The following PRSS16 variants were observed in gnomAD, a reference collection of about 807,000 sequenced individuals.
PRSS16 encodes the protein serine protease 16, also known as thymus-specific serine protease.
In PRSS16, 43 loss-of-function variants were observed where a neutral mutation model predicts 61.7. The observed-to-expected ratio is 0.70, with a 90% confidence interval of 0.55 to 0.90. PRSS16 has a LOEUF of 0.90. Among genes scored for constraint, PRSS16 ranks in the 40% least tolerant of loss-of-function variants. The probability of loss-of-function intolerance (pLI) is 0.00; values close to 1 mark genes in which losing one functional copy is unlikely to be tolerated. For missense variants in PRSS16, 591 were observed against 659.1 expected (o/e 0.90, Z 1.13); for synonymous variants, 273 against 285.2 (o/e 0.96, Z 0.43).
intron 4 of PRSS16, among the ~76,000 whole-genome samples, chr6:27,250,328 C>T (rs1759849340): frequency 3.3e-5 from 5 of 152,174 alleles, no homozygotes; most frequent in Admixed American, 3.3e-4. Context: ...GGTTAGGACC[C>T]CTCCTTCTCC....
At chr6:27,250,319 G>A (rs930187494) in intron 4 of PRSS16, among the ~76,000 whole-genome samples, 3 of 152,118 alleles carry the variant, frequency 2.0e-5, no homozygotes, top group Admixed American at 1.3e-4. Flanking sequence ...AACTCATCAG[G>A]TTAGGACCCC....
chr6:27,255,200 T>C lies in PRSS16; in HGVS notation c.1477-47T>C, dbSNP rs767302943. 5.8e-5 allele frequency: 93 copies of C among 1,613,680 alleles called. No homozygotes were observed. The East Asian group carries it at 1.2e-3, about 20-fold the overall frequency. ...TAATCACTTGCATGTTCCCTCCTTCTGCTGGTGCTGAAATCTGACTTTCAA... is the reference window on the plus strand; with the variant it reads ...TAATCACTTGCATGTTCCCTCCTTCCGCTGGTGCTGAAATCTGACTTTCAA... On this transcript the variant is annotated intron_variant, in intron 11 of 11. Transcript: ENST00000230582. The surrounding 1 kb of genome is among the most constrained non-coding windows in gnomAD (Gnocchi z 4.4).
intron 3 of PRSS16, 43 bp from the exon 4 acceptor site, chr6:27,249,057 T>A: frequency 7.4e-7 from 1 of 1,359,460 alleles, no homozygotes; most frequent in Non-Finnish European, 1.0e-6. Context: ...TAAACTCAAC[T>A]TGCATCTCAC....
chr6:27,255,077 G>C lies in PRSS16; in HGVS notation c.1422G>C (p.Leu474Phe). 6.8e-6 allele frequency: 11 copies of C among 1,614,148 alleles called. No homozygotes were observed. The highest frequency in any genetic ancestry group is 9.3e-6 in the Non-Finnish European group (11 of 1,180,026). The change falls in exon 11 of 12, where the codon TTG (leucine) becomes TTC (phenylalanine). Residue 474 changes from leucine to phenylalanine, a missense_variant. By Grantham distance (22) the Leu-to-Phe change is conservative. Coordinates refer to ENST00000230582, the MANE Select transcript of PRSS16 (RefSeq NM_005865.4). The surrounding 1 kb of genome is among the most constrained non-coding windows in gnomAD (Gnocchi z 4.4). Reference protein sequence around the residue: ...TLLIRTGSHCLDMAPERPSDS... With the variant: ...TLLIRTGSHCFDMAPERPSDS... ...TTATCCGCACTGGCTCCCACTGCTT[G>C]GACATGGCACCTGAGAGGCCCTCAG...
Position 27,254,547 on chromosome 6 carries a change from G to A in PRSS16, c.1151-146G>A, listed in dbSNP as rs1759986605. On this transcript the variant is annotated intron_variant, in intron 9 of 11. Coordinates refer to ENST00000230582, the MANE Select transcript of PRSS16 (RefSeq NM_005865.4). ...TGGGCTATCACTGTCAGGGGACTGT[G>A]TGAGTCTGTCTGCCAGGACTGTAAA... 7 of 769,684 alleles carry A rather than the reference G, an allele frequency of 9.1e-6. No homozygotes were observed. In the South Asian group the frequency reaches 1.2e-4, roughly 13 times the overall value. 47.7% of individuals were successfully genotyped at this position (769,684 alleles called of 1,614,324 possible).
chr6:27,253,665 A>G (rs1328184470), intron 9 of PRSS16: 1 of 193,562 alleles, frequency 5.2e-6, no homozygotes, highest in African/African-American at 2.4e-5. Flanking sequence ...TAAATGTTCA[A>G]ATTCCAGCTC....
Position 27,248,875 on chromosome 6 carries a change from T to A in PRSS16, c.266T>A (p.Val89Asp). The A allele has an allele frequency of 6.2e-7, 1 of 1,612,236 alleles. No individual in the cohort carries two copies. The highest frequency in any genetic ancestry group is 2.2e-5 in the East Asian group (1 of 44,870). The change falls in exon 3 of 12, where the codon GTT becomes GAT. Residue 89 changes from valine (V) to aspartate (D), a missense_variant. Val to Asp is a radical substitution (Grantham distance 152). Transcript: ENST00000230582. ...QRYWVNDQHW[V>D]GQDGPIFLHL... The stretch of plus-strand genomic sequence containing the variant: ...TACTGGGTGAATGACCAACATTGGG[T>A]TGGCCAGGATGGACCCATATTCCTG...
At position 27,251,095 on chromosome 6, in the gene PRSS16, G is replaced by GCT. The variant is rs775130970; in HGVS notation, c.646_647dup (p.Asp217TrpfsTer14). ...CCTCCTCCGCCCCGGTGCGGGCCGT[G>GCT]CTGGATTTCTCCGAGTATAATGACG... On this transcript the variant is annotated frameshift_variant, in exon 6 of 12. Transcript: ENST00000230582. LOFTEE classifies it high-confidence loss of function. The surrounding 1 kb of genome is among the most constrained non-coding windows in gnomAD (Gnocchi z 5.6). The GCT allele has an allele frequency of 1.1e-5, 18 of 1,613,976 alleles. No homozygotes were observed. Among genetic ancestry groups the GCT allele is most frequent in the Non-Finnish European group, 1.5e-5 (18 of 1,180,052 alleles).
Position 27,252,186 on chromosome 6 carries a change from T to G in PRSS16, c.1008+146T>G. 9.9e-7 allele frequency: 1 copy of G among 1,013,358 alleles called. No individual in the cohort carries two copies. Among genetic ancestry groups the G allele is most frequent in the Non-Finnish European group, 1.4e-6 (1 of 729,124 alleles). The allele number at this position is 1,013,358 out of a possible 1,614,324, so 62.8% of individuals were successfully genotyped here. On this transcript the variant is annotated intron_variant, in intron 8 of 11. Coordinates refer to ENST00000230582, the MANE Select transcript of PRSS16 (RefSeq NM_005865.4). The surrounding 1 kb of genome is among the most constrained non-coding windows in gnomAD (Gnocchi z 4.2). ...TGGGGATAACACTTCACAGGGCCGA[T>G]GGGAAGATGAAATGAGGCGGGTCAT... is the stretch of plus-strand genomic sequence containing the variant.
chr6:27,255,237 C>A lies in PRSS16; in HGVS notation c.1477-10C>A. 1 of 1,614,016 alleles carries A rather than the reference C, an allele frequency of 6.2e-7. No individual in the cohort carries two copies. The highest frequency in any genetic ancestry group is 1.1e-5 in the South Asian group (1 of 91,064). ...AATCTGACTTTCAAATTCTTCCCAC[C>A]TCCCCACAGAACATCTTCCAGCAGC... is the stretch of plus-strand genomic sequence containing the variant. On this transcript the variant is annotated splice_polypyrimidine_tract_variant and intron_variant, in intron 11 of 11. Transcript: ENST00000230582. This position sits in a 1 kb window ranked among gnomAD's most constrained non-coding sequence, Gnocchi z 4.4.
chr6:27,250,541 G>T, intron 4 of PRSS16, 142 bp from the exon 5 acceptor site: 1 of 1,261,446 alleles, frequency 7.9e-7, no homozygotes, highest in East Asian at 2.6e-5. Flanking sequence ...GAGAACACTT[G>T]GAAACACGTC....
Position 27,251,244 on chromosome 6 carries a change from G to A in PRSS16, c.697G>A (p.Ala233Thr), listed in dbSNP as rs778805038. 1.2e-6 allele frequency: 2 copies of A among 1,610,224 alleles called. No individual in the cohort carries two copies. Among genetic ancestry groups the A allele is most frequent in the Non-Finnish European group, 1.7e-6 (2 of 1,177,728 alleles). ...GGTATCCCGAAGCCTAATGAGCACC[G>A]CGATCGGCGGGTCCCTGGAGGTAGG... ...DVVSRSLMST[A>T]IGGSLECRAA... The change falls in exon 7 of 12, where the codon GCG (alanine) becomes ACG (threonine). Residue 233 changes from alanine (A) to threonine (T), a missense_variant. Transcript: ENST00000230582. This position sits in a 1 kb window ranked among gnomAD's most constrained non-coding sequence, Gnocchi z 5.6.
In PRSS16 at chr6:27,252,047, A is replaced by T; in HGVS notation, c.1008+7A>T. ...GCTTCGTCGGGCGGTGCAGGTGAGC[A>T]CTCCCTGGCACAGCTGGGAGGAGTT... On this transcript the variant is annotated splice_region_variant and intron_variant, in intron 8 of 11. Coordinates refer to ENST00000230582, the MANE Select transcript of PRSS16 (RefSeq NM_005865.4). The surrounding 1 kb of genome is among the most constrained non-coding windows in gnomAD (Gnocchi z 4.2). 6.7e-7 allele frequency: 1 copy of T among 1,493,172 alleles called. No individual in the cohort carries two copies. Among genetic ancestry groups the T allele is most frequent in the Non-Finnish European group, 8.9e-7 (1 of 1,125,628 alleles). 92.5% of individuals were successfully genotyped at this position (1,493,172 alleles called of 1,614,324 possible).
Position 27,254,676 on chromosome 6 carries a change from G to T in PRSS16, c.1151-17G>T, listed in dbSNP as rs1445166923. 5 of 1,597,212 alleles carry T rather than the reference G, an allele frequency of 3.1e-6. No individual in the cohort carries two copies. The Middle Eastern group carries it at 5.0e-4, about 159-fold the overall frequency. ...GGCTGCCTGTATACCCACACTTACAGGTATCTCCCTACACAGATGTCACCT... is the reference window on the plus strand; with the variant it reads ...GGCTGCCTGTATACCCACACTTACATGTATCTCCCTACACAGATGTCACCT... On this transcript the variant is annotated splice_polypyrimidine_tract_variant and intron_variant, in intron 9 of 11. Transcript: ENST00000230582.
chr6:27,253,646 A>G, intron 9 of PRSS16: 1 of 198,306 alleles, frequency 5.0e-6, no homozygotes, highest in South Asian at 7.7e-5. Context: ...AATACTACAT[A>G]TGGTAAATTA....
In PRSS16 at chr6:27,248,032, G is replaced by T; in HGVS notation, c.221G>T (p.Arg74Ile). 2 of 1,613,732 alleles carry T rather than the reference G, an allele frequency of 1.2e-6. No individual in the cohort carries two copies. Among genetic ancestry groups the T allele is most frequent in the Non-Finnish European group, 1.7e-6 (2 of 1,179,898 alleles). Residue 74 changes from arginine (R) to isoleucine (I), a missense_variant, in exon 2 of 12, where the codon AGA becomes ATA. Arg to Ile is a moderately conservative substitution (Grantham distance 97). Coordinates refer to ENST00000230582, the MANE Select transcript of PRSS16 (RefSeq NM_005865.4). ...QLLDPFNVSDRRSFLQRYWVN... is the reference protein window; with the variant it reads ...QLLDPFNVSDIRSFLQRYWVN... ...CTGGACCCCTTCAACGTGTCCGACAGACGATCCTTCCTACAGGTGAGGCCG... is the reference window on the plus strand; with the variant it reads ...CTGGACCCCTTCAACGTGTCCGACATACGATCCTTCCTACAGGTGAGGCCG...
chr6:27,250,705 C>T lies in PRSS16; in HGVS notation c.490C>T (p.Arg164Cys), dbSNP rs752971068. The part of the protein sequence containing the change: ...RLALADVVSA[R>C]LALSRLFNIS... ...TAGGCTGGCTGATGTGGTCTCTGCCCGCCTGGCACTTTCCCGCCTCTTTAA... is the reference window on the plus strand; with the variant it reads ...TAGGCTGGCTGATGTGGTCTCTGCCTGCCTGGCACTTTCCCGCCTCTTTAA... The change falls in exon 5 of 12, where the codon CGC becomes TGC. Residue 164 changes from arginine (R) to cysteine (C), a missense_variant. Physicochemically the swap from Arg to Cys is radical, Grantham distance 180. Transcript: ENST00000230582. 5.6e-6 allele frequency: 9 copies of T among 1,612,988 alleles called. No individual in the cohort carries two copies. In the African/African-American group the frequency reaches 6.7e-5, roughly 12 times the overall value.
At position 27,252,822 on chromosome 6, in the gene PRSS16, C is replaced by G; in HGVS notation, c.1023C>G (p.Ser341Arg). ...LRRAVQIVLH[S>R]LGQKCLSFSR... ...TTGTTCCCTAGATTGTCTTGCACAG[C>G]CTGGGCCAGAAGTGTTTAAGCTTTT... Residue 341 changes from serine (S) to arginine (R), a missense_variant, in exon 9 of 12, where the codon AGC (serine) becomes AGG (arginine). Coordinates refer to ENST00000230582, the MANE Select transcript of PRSS16 (RefSeq NM_005865.4). The surrounding 1 kb of genome is among the most constrained non-coding windows in gnomAD (Gnocchi z 4.2). 6.2e-7 allele frequency: 1 copy of G among 1,614,060 alleles called. No individual in the cohort carries two copies. The highest frequency in any genetic ancestry group is 2.2e-5 in the East Asian group (1 of 44,878).
Position 27,251,415 on chromosome 6 carries a change from G to A in PRSS16, c.717+151G>A. On this transcript the variant is annotated intron_variant, in intron 7 of 11. Coordinates refer to ENST00000230582, the MANE Select transcript of PRSS16 (RefSeq NM_005865.4). The surrounding 1 kb of genome is among the most constrained non-coding windows in gnomAD (Gnocchi z 5.6). ...GGGAATACGCAGGTTTTGGAAGAAGGCGGGAGCTGACGAAGAGGAGGGGCA... is the reference window on the plus strand; with the variant it reads ...GGGAATACGCAGGTTTTGGAAGAAGACGGGAGCTGACGAAGAGGAGGGGCA... The A allele has an allele frequency of 9.4e-7, 1 of 1,058,228 alleles. No individual in the cohort carries two copies. Among genetic ancestry groups the A allele is most frequent in the Non-Finnish European group, 1.3e-6 (1 of 756,592 alleles). 65.6% of individuals were successfully genotyped at this position (1,058,228 alleles called of 1,614,324 possible). A position where few individuals can be genotyped will look rare whatever the true frequency, so the allele number is the denominator to read the frequency against.
Sources: gnomAD v4.1 joint callset for allele counts (sites outside exome capture counted in the v4.1 genomes callset) on GRCh38, gnomAD v4.1.1 for gene constraint, Gnocchi (gnomAD v3.1) non-coding constraint, MANE v1.5 for transcripts, NCBI Gene and HGNC (gene_info 2026-07-23, HGNC 2026-07-21) for gene names.